Variants in PIP4K2B observed in about 807,000 individuals in gnomAD.
PIP4K2B encodes phosphatidylinositol-5-phosphate 4-kinase type 2 beta.
PIP4K2B carries 3 observed loss-of-function variants against 42.0 expected under a neutral mutation model. The ratio of observed to expected loss-of-function variants is 0.07; its 90% CI spans 0.03 to 0.18. PIP4K2B has a LOEUF of 0.18. Among genes scored for constraint, PIP4K2B ranks in the 10% least tolerant of loss-of-function variants. The probability of loss-of-function intolerance (pLI) is 1.00; values close to 1 mark genes in which losing one functional copy is unlikely to be tolerated. For synonymous variants in PIP4K2B, 204 were observed against 210.1 expected (o/e 0.97, Z 0.25); for missense variants, 332 against 562.3 (o/e 0.59, Z 4.14).
rs1238636875 is a variant in PIP4K2B at position 38,766,605 on chromosome 17, A to G, written c.*3086T>C. Reference sequence around the variant, plus strand: ...AAGAGTCAAGTAGGGAGAGGGGATAAAGAGCTGCCTGTGGTGGGAACTTAA... The same window carrying G: ...AAGAGTCAAGTAGGGAGAGGGGATAGAGAGCTGCCTGTGGTGGGAACTTAA... On this transcript the variant is annotated 3_prime_UTR_variant, in exon 10 of 10. Coordinates refer to ENST00000619039, the MANE Select transcript of PIP4K2B (RefSeq NM_003559.5). The G allele has an allele frequency of 6.5e-6, 1 of 152,726 alleles. No homozygotes were observed. Among genetic ancestry groups the G allele is most frequent in the Non-Finnish European group, 1.5e-5 (1 of 68,124 alleles). The allele number at this position is 152,726 out of a possible 1,614,324, so 9.5% of individuals were successfully genotyped here. A position where few individuals can be genotyped will look rare whatever the true frequency, so the allele number is the denominator to read the frequency against.
At chr17:38,773,236 CTA>C (rs1909144356) in intron 7 of PIP4K2B, among the ~76,000 whole-genome samples, 1 of 152,070 alleles carries the variant, frequency 6.6e-6, no homozygotes, top group African/African-American at 2.4e-5. Context: ...TCTGAAAAAA[CTA>C]TGTCATCGAC....
chr17:38,799,380 C>A lies in PIP4K2B; in HGVS notation c.45G>T (p.Pro15=). 5 of 1,605,770 alleles carry A rather than the reference C, an allele frequency of 3.1e-6. No homozygotes were observed. In the East Asian group the frequency reaches 6.8e-5, roughly 22 times the overall value. Residue 15 remains proline, a synonymous_variant, in exon 1 of 10, where the codon CCG becomes CCT. Transcript: ENST00000619039. This position sits in a 1 kb window ranked among gnomAD's most constrained non-coding sequence, Gnocchi z 4.4. The part of the protein sequence containing the change: ...CTSTTAVAVA[P]LSASKTKTKK... ...TGGTCTTGGTCTTGCTGGCGCTGAG[C>A]GGCGCCACCGCCACCGCCGTGGTGC...
chr17:38,787,272 C>G (rs1482849819), intron 1 of PIP4K2B, among the ~76,000 whole-genome samples: 13 of 152,202 alleles, frequency 8.5e-5, no homozygotes, highest in Admixed American at 8.5e-4. Context: ...CTTGGCCTCC[C>G]AAATTATTGG....
At chr17:38,783,603 CTCT>C (rs1256183520) in intron 3 of PIP4K2B, among the ~76,000 whole-genome samples, 1 of 145,100 alleles carries the variant, frequency 6.9e-6, no homozygotes, top group Admixed American at 7.2e-5. Context: ...AATTCTCTCT[CTCT>C]TTTTTTTTTT....
intron 1 of PIP4K2B, among the ~76,000 whole-genome samples, chr17:38,798,395 A>G (rs1342160554): frequency 1.3e-5 from 2 of 152,212 alleles, no homozygotes; most frequent in South Asian, 4.1e-4. Context: ...TTAAACTGTC[A>G]GGATCCAACT....
chr17:38,784,133 G>A (rs1224776035), intron 3 of PIP4K2B, 110 bp downstream of exon 3: 1 of 685,792 alleles, frequency 1.5e-6, no homozygotes, highest in Non-Finnish European at 2.6e-6. Context: ...AGGCATGACA[G>A]GGAGACACAG....
At chr17:38,795,112 A>AAAAAAAAAAAAAG in intron 1 of PIP4K2B, among the ~76,000 whole-genome samples, 1 of 150,584 alleles carries the variant, frequency 6.6e-6, no homozygotes. Context: ...AAAAAAAAAA[A>AAAAAAAAAAAAAG]AAAAAAAAAA....
intron 5 of PIP4K2B, among the ~76,000 whole-genome samples, chr17:38,778,581 A>G (rs2143376448): frequency 6.6e-6 from 1 of 152,334 alleles, no homozygotes; most frequent in African/African-American, 2.4e-5. Flanking sequence ...ACAGGACTGC[A>G]CTGGAGAAGC....
chr17:38,799,501 C>G lies in PIP4K2B; in HGVS notation c.-77G>C, dbSNP rs228231. On this transcript the variant is annotated 5_prime_UTR_variant, in exon 1 of 10. Transcript: ENST00000619039. This position sits in a 1 kb window ranked among gnomAD's most constrained non-coding sequence, Gnocchi z 4.4. ...ACAAGCCAGCGGCCTCAGGCCTCCC[C>G]CGGACCGATCCCCACCCCCGCTCCC... is the stretch of plus-strand genomic sequence containing the variant. 4.3e-6 allele frequency: 6 copies of G among 1,386,744 alleles called. No individual in the cohort carries two copies. Among genetic ancestry groups the G allele is most frequent in the Non-Finnish European group, 5.6e-6 (6 of 1,077,520 alleles). 85.9% of individuals were successfully genotyped at this position (1,386,744 alleles called of 1,614,324 possible).
intron 1 of PIP4K2B, among the ~76,000 whole-genome samples, chr17:38,794,320 G>A (rs1024330409): frequency 4.0e-5 from 6 of 151,884 alleles, no homozygotes; most frequent in African/African-American, 1.2e-4. Flanking sequence ...CAGGGGCTGG[G>A]GGCGGGGGAA....
chr17:38,771,506 C>T (rs1433907463), intron 7 of PIP4K2B, among the ~76,000 whole-genome samples: 2 of 133,572 alleles, frequency 1.5e-5, no homozygotes, highest in African/African-American at 5.7e-5. Context: ...GCTGTGATCA[C>T]ACCACTGCAC....
rs1908847314 is a variant in PIP4K2B, at chr17:38,768,719, G to A, written c.*972C>T. 1 of 152,280 alleles carries A rather than the reference G, an allele frequency of 6.6e-6. No individual in the cohort carries two copies. The highest frequency in any genetic ancestry group is 1.5e-5 in the Non-Finnish European group (1 of 68,058). The allele number at this position is 152,280 out of a possible 1,614,324, so 9.4% of individuals were successfully genotyped here. A position where few individuals can be genotyped will look rare whatever the true frequency, so the allele number is the denominator to read the frequency against. On this transcript the variant is annotated 3_prime_UTR_variant, in exon 10 of 10. Transcript: ENST00000619039. ...GAAGGAAGAAGGAAATAGATCGAGG[G>A]CACAGGGCCTCATTTGATACATCAG...
At chr17:38,783,400 T>C (rs1909820079) in intron 3 of PIP4K2B, among the ~76,000 whole-genome samples, 1 of 152,068 alleles carries the variant, frequency 6.6e-6, no homozygotes, top group East Asian at 1.9e-4. Flanking sequence ...AACAGGCCAA[T>C]GGCCTCTACA....
At chr17:38,771,479 G>A (rs150666052) in intron 7 of PIP4K2B, among the ~76,000 whole-genome samples, 3 of 150,756 alleles carry the variant, frequency 2.0e-5, no homozygotes, top group African/African-American at 7.3e-5. Flanking sequence ...AAAGGCAGGA[G>A]GTCGAGGCTG....
In PIP4K2B at chr17:38,771,258, C is replaced by T; in HGVS notation, c.822G>A (p.Leu274=). The change falls in exon 8 of 10, where the codon CTG becomes CTA. Residue 274 remains leucine (L), a synonymous_variant. Coordinates refer to ENST00000619039, the MANE Select transcript of PIP4K2B (RefSeq NM_003559.5). The part of the protein sequence containing the change: ...LKRDVEFLAQ[L]KIMDYSLLVG... Reference sequence around the variant, plus strand: ...CCAGCAGGCTGTAGTCCATGATCTTCAGCTGTGCCAAGAACTAGGAAGGGC... The same window carrying T: ...CCAGCAGGCTGTAGTCCATGATCTTTAGCTGTGCCAAGAACTAGGAAGGGC... 1.9e-6 allele frequency: 3 copies of T among 1,614,120 alleles called. No individual in the cohort carries two copies. Among genetic ancestry groups the T allele is most frequent in the Non-Finnish European group, 2.5e-6 (3 of 1,180,028 alleles).
intron 1 of PIP4K2B, among the ~76,000 whole-genome samples, chr17:38,789,944 A>G (rs1356365382): frequency 6.6e-6 from 1 of 151,890 alleles, no homozygotes; most frequent in Non-Finnish European, 1.5e-5. Flanking sequence ...TTGCCTGGCC[A>G]GGGGGCGGGG....
In PIP4K2B at chr17:38,780,485, C is replaced by T. The variant is rs776857540; in HGVS notation, c.474G>A (p.Ala158=). Residue 158 remains alanine (A), a synonymous_variant, in exon 4 of 10, where the codon GCG becomes GCA. Transcript: ENST00000619039. ...VIKTVSSEDV[A]EMHNILKKYH... is the part of the protein sequence containing the mutation. ...ATTTCTTTAAGATGTTGTGCATCTC[C>T]GCCACGTCCTCGCTGGACACAGTCT... 1.9e-5 allele frequency: 30 copies of T among 1,613,256 alleles called. No individual in the cohort carries two copies. Among genetic ancestry groups the T allele is most frequent in the Admixed American group, 5.0e-5 (3 of 59,964 alleles).
chr17:38,793,990 T>C (rs1255029723), intron 1 of PIP4K2B, among the ~76,000 whole-genome samples: 1 of 151,960 alleles, frequency 6.6e-6, no homozygotes, highest in African/African-American at 2.4e-5. Flanking sequence ...CCTCACACCA[T>C]ACCCAAAAGT....
intron 5 of PIP4K2B, 126 bp from the exon 6 acceptor site, chr17:38,778,498 C>T: frequency 1.2e-6 from 1 of 830,500 alleles, no homozygotes; most frequent in Non-Finnish European, 2.1e-6. Context: ...CAGGAGGCAG[C>T]ACCTTGTTCA....
Sources: allele counts gnomAD v4.1 joint callset (sites outside exome capture counted in the v4.1 genomes callset), GRCh38; gene constraint gnomAD v4.1.1; non-coding constraint Gnocchi (gnomAD v3.1); transcripts MANE v1.5; gene names NCBI Gene and HGNC (gene_info 2026-07-23, HGNC 2026-07-21).